The following NGEF variants were observed in gnomAD, a reference collection of about 807,000 sequenced individuals.
NGEF encodes neuronal guanine nucleotide exchange factor.
Under a neutral mutation model 80.9 loss-of-function variants are expected in NGEF, and 31 were observed. The ratio of observed to expected loss-of-function variants is 0.38; its 90% CI spans 0.29 to 0.52. NGEF has a LOEUF of 0.52. Among genes scored for constraint, NGEF ranks in the 20% least tolerant of loss-of-function variants. NGEF has a pLI of 0.84. For missense variants in NGEF, 709 were observed against 926.2 expected (o/e 0.77, Z 3.04); for synonymous variants, 371 against 370.2 (o/e 1.00, Z -0.03).
chr2:232,947,304 C>G (rs1693579875), intron 3 of NGEF, among the ~76,000 whole-genome samples: 1 of 152,164 alleles, frequency 6.6e-6, no homozygotes, highest in Admixed American at 6.6e-5. Flanking sequence ...AATGTTTAAC[C>G]TGAATCCAAT....
intron 3 of NGEF, among the ~76,000 whole-genome samples, chr2:232,969,428 TCTCC>T (rs1382788918): frequency 3.8e-5 from 5 of 133,220 alleles, no homozygotes; most frequent in African/African-American, 1.2e-4. Context: ...GTGAACTATC[TCTCC>T]CTCCCTCCCT....
intron 14 of NGEF, 95 bp from the exon 15 acceptor site, chr2:232,879,774 G>T: frequency 8.5e-7 from 1 of 1,181,858 alleles, no homozygotes; most frequent in South Asian, 1.5e-5. Flanking sequence ...TCTGTGGCGG[G>T]ACACTAGGGG....
At chr2:232,977,757 C>G (rs73995761) in intron 1 of NGEF, among the ~76,000 whole-genome samples, 1 of 151,998 alleles carries the variant, frequency 6.6e-6, no homozygotes, top group Non-Finnish European at 1.5e-5. Context: ...TGGCAGGCCC[C>G]GAGCAGGAGG....
intron 1 of NGEF, among the ~76,000 whole-genome samples, chr2:233,003,666 A>G (rs962149425): frequency 6.6e-6 from 1 of 152,076 alleles, no homozygotes; most frequent in African/African-American, 2.4e-5. Context: ...GCAAATGTTC[A>G]CTGAAAATCC....
chr2:232,985,638 A>G (rs563848875), intron 1 of NGEF, among the ~76,000 whole-genome samples: 78 of 152,310 alleles, frequency 5.1e-4, no homozygotes, highest in African/African-American at 1.8e-3. Context: ...CTGTAGTCCC[A>G]GCTACTCGAG....
rs754892092 is a variant in NGEF at position 232,883,405 on chromosome 2, C to T, written c.1663G>A (p.Asp555Asn). 1.9e-6 allele frequency: 3 copies of T among 1,611,160 alleles called. No individual in the cohort carries two copies. Among genetic ancestry groups the T allele is most frequent in the Non-Finnish European group, 1.7e-6 (2 of 1,178,896 alleles). ...RGLLRVEELE[D>N]QGQTLANVFI... ...ACGTTGGCCAGCGTCTGGCCCTGGTCCTCCAGCTCCTCCACACGCAGCAGT... is the reference window on the plus strand; with the variant it reads ...ACGTTGGCCAGCGTCTGGCCCTGGTTCTCCAGCTCCTCCACACGCAGCAGT... Residue 555 changes from aspartate (D) to asparagine (N), a missense_variant, in exon 12 of 15, where the codon GAC (aspartate) becomes AAC (asparagine). Asp to Asn is a conservative substitution (Grantham distance 23). This residue lies in a region of NGEF where 426 missense variants were observed against 622.9 expected (regional missense o/e 0.68). Coordinates refer to ENST00000264051, the MANE Select transcript of NGEF (RefSeq NM_019850.3).
At chr2:232,917,435 T>C (rs1692827671) in intron 5 of NGEF, among the ~76,000 whole-genome samples, 1 of 152,066 alleles carries the variant, frequency 6.6e-6, no homozygotes, top group Admixed American at 6.6e-5. Context: ...ACAATGAAAG[T>C]GCATAGAGGA....
At chr2:232,946,201 T>C (rs908139811) in intron 3 of NGEF, among the ~76,000 whole-genome samples, 2 of 151,828 alleles carry the variant, frequency 1.3e-5, no homozygotes, top group African/African-American at 4.8e-5. Flanking sequence ...CCAAATATTG[T>C]ATGTTCTCAC....
intron 3 of NGEF, among the ~76,000 whole-genome samples, chr2:232,946,267 C>CTT (rs1392462771): frequency 6.6e-6 from 1 of 151,050 alleles, no homozygotes; most frequent in South Asian, 2.1e-4. Flanking sequence ...ACACAGTGGA[C>CTT]TTTGGGGACT....
intron 3 of NGEF, among the ~76,000 whole-genome samples, chr2:232,954,943 C>T (rs772809012): frequency 6.2e-4 from 94 of 152,128 alleles, no homozygotes; most frequent in African/African-American, 2.0e-3. Flanking sequence ...TAACAGGTCA[C>T]GCACGTTGGG....
At chr2:232,886,513 G>A (rs1293631350) in intron 9 of NGEF, among the ~76,000 whole-genome samples, 2 of 152,246 alleles carry the variant, frequency 1.3e-5, no homozygotes, top group Non-Finnish European at 2.9e-5. Context: ...CAGGGAGGGC[G>A]AGGTGGCTAG....
chr2:232,996,251 C>A (rs1446026954), intron 1 of NGEF, among the ~76,000 whole-genome samples: 2 of 152,076 alleles, frequency 1.3e-5, no homozygotes, highest in African/African-American at 4.8e-5. Context: ...TCGCTTGAAC[C>A]CAGGAGGCAG....
chr2:232,891,535 G>T, intron 7 of NGEF, 48 bp from the exon 8 acceptor site: 2 of 1,577,898 alleles, frequency 1.3e-6, no homozygotes, highest in South Asian at 2.3e-5. Context: ...CAGGAGGCAT[G>T]AACTGGAGAC....
intron 3 of NGEF, among the ~76,000 whole-genome samples, chr2:232,943,519 G>A (rs1446831715): frequency 1.4e-5 from 2 of 139,176 alleles, no homozygotes; most frequent in African/African-American, 2.7e-5. Context: ...TTTTTGAGAC[G>A]GAGTCTCACT....
chr2:232,960,361 A>G (rs1693922420), intron 3 of NGEF, among the ~76,000 whole-genome samples: 1 of 152,220 alleles, frequency 6.6e-6, no homozygotes, highest in Non-Finnish European at 1.5e-5. Context: ...TGAACTTGAG[A>G]GGACCCCAAG....
chr2:232,879,447 G>A lies in NGEF; in HGVS notation c.*42C>T, dbSNP rs774989406. 4 of 1,546,056 alleles carry A rather than the reference G, an allele frequency of 2.6e-6. No homozygotes were observed. Reference sequence around the variant, plus strand: ...CCCCCCCCCCCCACCTTCTGTCGGGGTCTCATGCAGGCCCTGCTCCCGCTG... The same window carrying A: ...CCCCCCCCCCCCACCTTCTGTCGGGATCTCATGCAGGCCCTGCTCCCGCTG... On this transcript the variant is annotated 3_prime_UTR_variant, in exon 15 of 15. Transcript: ENST00000264051.
chr2:232,990,760 A>G (rs1694634949), intron 1 of NGEF, among the ~76,000 whole-genome samples: 1 of 152,092 alleles, frequency 6.6e-6, no homozygotes. Flanking sequence ...GGGCTACTAA[A>G]CCAGATAAAA....
intron 3 of NGEF, among the ~76,000 whole-genome samples, chr2:232,964,736 T>C (rs762660149): frequency 7.2e-5 from 11 of 152,172 alleles, no homozygotes; most frequent in Non-Finnish European, 1.3e-4. Flanking sequence ...GGTACACATA[T>C]ATTGATGAAT....
chr2:232,971,286 T>C (rs1485708834), intron 2 of NGEF, among the ~76,000 whole-genome samples: 2 of 152,168 alleles, frequency 1.3e-5, no homozygotes, highest in Admixed American at 6.5e-5. Context: ...TTTCTCACCA[T>C]GTAGGTCAAG....
Sources: allele counts gnomAD v4.1 joint callset (sites outside exome capture counted in the v4.1 genomes callset), GRCh38; gene constraint gnomAD v4.1.1; regional missense constraint gnomAD v4.1.1; transcripts MANE v1.5; gene names NCBI Gene and HGNC (gene_info 2026-07-23, HGNC 2026-07-21).